CNKSR2: variants seen among roughly 807,000 people sequenced by gnomAD.
CNKSR2 encodes CNK homolog protein 2.
Under a neutral mutation model 84.4 loss-of-function variants are expected in CNKSR2, and 14 were observed. The ratio of observed to expected loss-of-function variants is 0.17; its 90% CI spans 0.11 to 0.26. The LOEUF (loss-of-function observed/expected upper bound fraction) is 0.26. CNKSR2 is among the 10% of genes least tolerant of loss of function. CNKSR2 has a pLI of 1.00. For synonymous variants in CNKSR2, 275 were observed against 277.9 expected (o/e 0.99, Z 0.10); for missense variants, 485 against 771.2 (o/e 0.63, Z 4.40).
intron 5 of CNKSR2, among the ~76,000 whole-genome samples, chrX:21,483,395 A>G (rs1329385772): frequency 2.7e-5 from 3 of 109,439 alleles, no homozygotes; most frequent in Non-Finnish European, 5.7e-5. Flanking sequence ...GAACAATGAG[A>G]ACACTTGGAC....
chrX:21,555,909 C>A (rs1045280535), intron 11 of CNKSR2, among the ~76,000 whole-genome samples: 2 of 110,586 alleles, frequency 1.8e-5, no homozygotes, highest in Admixed American at 1.9e-4. Flanking sequence ...ATGAAAAAGG[C>A]AGCAATTCAG....
At chrX:21,394,920 A>G (rs954293076) in intron 1 of CNKSR2, among the ~76,000 whole-genome samples, 3 of 111,688 alleles carry the variant, frequency 2.7e-5, no homozygotes, top group Non-Finnish European at 3.8e-5. Flanking sequence ...GAAACAAATG[A>G]ACCAATTCGT....
chrX:21,465,063 C>T (rs2091109710), intron 4 of CNKSR2, among the ~76,000 whole-genome samples: 1 of 112,025 alleles, frequency 8.9e-6, no homozygotes, highest in Admixed American at 9.5e-5. Context: ...AATGTTCTTT[C>T]TCCCTAAACC....
chrX:21,392,739 A>C (rs1392442282), intron 1 of CNKSR2, among the ~76,000 whole-genome samples: 1 of 111,326 alleles, frequency 9.0e-6, no homozygotes, highest in Non-Finnish European at 1.9e-5. Context: ...GATTGTTTTT[A>C]ATCAAGGAAG....
chrX:21,582,533 C>G (rs975743677), intron 13 of CNKSR2, among the ~76,000 whole-genome samples: 1 of 111,417 alleles, frequency 9.0e-6, no homozygotes, highest in Admixed American at 9.5e-5. Flanking sequence ...GTTGACAGAC[C>G]TGGCTTTGAA....
intron 11 of CNKSR2, among the ~76,000 whole-genome samples, chrX:21,557,813 A>G (rs1278125252): frequency 9.0e-6 from 1 of 111,565 alleles, no homozygotes; most frequent in African/African-American, 3.2e-5. Context: ...ACTACTATGT[A>G]AAGATATGTC....
chrX:21,454,632 A>G (rs770462617), intron 4 of CNKSR2, among the ~76,000 whole-genome samples: 1 of 112,034 alleles, frequency 8.9e-6, no homozygotes, highest in Non-Finnish European at 1.9e-5. Context: ...CTCTAAGTTT[A>G]TTCTTAGAGA....
At chrX:21,444,232 A>G (rs906356982) in intron 4 of CNKSR2, among the ~76,000 whole-genome samples, 1 of 111,481 alleles carries the variant, frequency 9.0e-6, no homozygotes, top group Admixed American at 9.6e-5. Flanking sequence ...AGTAATTTTT[A>G]GTTTCATTAA....
intron 13 of CNKSR2, among the ~76,000 whole-genome samples, chrX:21,570,571 G>C (rs1243580193): frequency 4.5e-5 from 5 of 111,942 alleles, no homozygotes; most frequent in Non-Finnish European, 9.4e-5. Context: ...TGGAGGCCTT[G>C]CTTTCAGTAT....
chrX:21,515,685 A>G (rs1461756158), intron 8 of CNKSR2, among the ~76,000 whole-genome samples: 1 of 112,064 alleles, frequency 8.9e-6, no homozygotes, highest in Non-Finnish European at 1.9e-5. Flanking sequence ...TTCTATGTTC[A>G]GAATTTTTAA....
At chrX:21,465,713 A>C (rs1343964596) in intron 4 of CNKSR2, among the ~76,000 whole-genome samples, 2 of 111,465 alleles carry the variant, frequency 1.8e-5, no homozygotes, top group Non-Finnish European at 3.8e-5. Flanking sequence ...CTCTCTTTAT[A>C]TATTTACTAT....
chrX:21,462,508 A>G (rs1487326774), intron 4 of CNKSR2, among the ~76,000 whole-genome samples: 1 of 110,528 alleles, frequency 9.0e-6, no homozygotes, highest in Non-Finnish European at 1.9e-5. Flanking sequence ...TTCCTTCCCA[A>G]TTTGGATACA....
At chrX:21,521,245 A>C (rs1482606931) in intron 9 of CNKSR2, among the ~76,000 whole-genome samples, 1 of 110,970 alleles carries the variant, frequency 9.0e-6, no homozygotes, top group Non-Finnish European at 1.9e-5. Context: ...ATGGCACTAG[A>C]GAAGAAAATC....
chrX:21,497,451 A>T (rs2091512103), intron 6 of CNKSR2, among the ~76,000 whole-genome samples: 2 of 111,570 alleles, frequency 1.8e-5, no homozygotes, highest in African/African-American at 6.5e-5. Context: ...TTATTTTGCC[A>T]CAGAATATGC....
At chrX:21,645,012 A>C (rs2092702789) in intron 20 of CNKSR2, 1 of 111,947 alleles carries the variant, frequency 8.9e-6, no homozygotes, top group Non-Finnish European at 1.9e-5. Flanking sequence ...GATTCCAACA[A>C]ACTGGTATTT....
At chrX:21,564,793 G>A (rs1219325405) in intron 13 of CNKSR2, among the ~76,000 whole-genome samples, 1 of 109,756 alleles carries the variant, frequency 9.1e-6, no homozygotes, top group Admixed American at 9.8e-5. Flanking sequence ...GCACTCCTAG[G>A]TGCCTCATTC....
chrX:21,561,211 A>C (rs190941387), intron 11 of CNKSR2, among the ~76,000 whole-genome samples: 2 of 109,453 alleles, frequency 1.8e-5, no homozygotes, highest in East Asian at 5.7e-4. Flanking sequence ...CTATACCCTT[A>C]AAGTCTGGGG....
rs1362622062 is a variant in CNKSR2, at chrX:21,383,236, ATTTAT to A, written c.64+8277_64+8281del. ...TTTTTAAATTTTAAAGATGTATTTA[ATTTAT>A]TGTTTGATTTTAATTTAAATCACAA... is the stretch of plus-strand genomic sequence containing the variant. On this transcript the variant is annotated intron_variant, in intron 1 of 21. Coordinates refer to ENST00000379510, the MANE Select transcript of CNKSR2 (RefSeq NM_014927.5). 2.7e-5 allele frequency among the ~76,000 whole-genome samples: 3 copies of A among 112,882 alleles called. No homozygotes were observed. In the East Asian group the frequency reaches 8.3e-4, roughly 31 times the overall value.
chrX:21,505,542 T>C (rs1418076206), intron 8 of CNKSR2: 1 of 110,732 alleles, frequency 9.0e-6, no homozygotes, highest in African/African-American at 3.3e-5. Flanking sequence ...TGGCAGAGAG[T>C]GTGGGAGGAG....
Sources: allele counts gnomAD v4.1 joint callset (sites outside exome capture counted in the v4.1 genomes callset), GRCh38; gene constraint gnomAD v4.1.1; transcripts MANE v1.5; gene names NCBI Gene and HGNC (gene_info 2026-07-23, HGNC 2026-07-21).